Variants in TARBP1 observed in about 807,000 individuals in gnomAD.
The protein encoded by TARBP1 is tRNA guanosine 2 -O-methyltransferase TARBP1.
TARBP1 carries 144 observed loss-of-function variants against 178.6 expected under a neutral mutation model. The ratio of observed to expected loss-of-function variants is 0.81; its 90% CI spans 0.70 to 0.93. The LOEUF (loss-of-function observed/expected upper bound fraction) is 0.93. Ranked by LOEUF, TARBP1 falls within the 40% of genes least tolerant of loss-of-function variation. The pLI is 0.00. For synonymous variants in TARBP1, 787 were observed against 781.0 expected (o/e 1.01, Z -0.13); for missense variants, 2,067 against 2,011.7 (o/e 1.03, Z -0.53).
intron 8 of TARBP1, 79 bp downstream of exon 8, chr1:234,459,151 G>T: frequency 4.0e-6 from 4 of 993,926 alleles, no homozygotes; most frequent in South Asian, 1.6e-5. Flanking sequence ...AGTATCACAG[G>T]TCTGCTATGT....
chr1:234,422,271 T>C (rs1663189889), intron 20 of TARBP1, among the ~76,000 whole-genome samples: 1 of 152,180 alleles, frequency 6.6e-6, no homozygotes, highest in African/African-American at 2.4e-5. Context: ...GTGTGCTCCT[T>C]TACTCAGAAT....
chr1:234,433,397 C>G lies in TARBP1; in HGVS notation c.2394+13G>C, dbSNP rs1052747929. 27 of 1,610,496 alleles carry G rather than the reference C, an allele frequency of 1.7e-5. No homozygotes were observed. Among genetic ancestry groups the G allele is most frequent in the Middle Eastern group, 1.6e-4 (1 of 6,074 alleles). On this transcript the variant is annotated intron_variant, in intron 14 of 29. Transcript: ENST00000040877. Reference sequence around the variant, plus strand: ...TTCAAGATAACTACAAACCTTGAATCAAAGAGGCTTACCTGTCCACTGTCC... The same window carrying G: ...TTCAAGATAACTACAAACCTTGAATGAAAGAGGCTTACCTGTCCACTGTCC...
intron 26 of TARBP1, among the ~76,000 whole-genome samples, chr1:234,395,454 G>A (rs1403763794): frequency 6.6e-6 from 1 of 152,184 alleles, no homozygotes; most frequent in Non-Finnish European, 1.5e-5. Context: ...GCTTTGGGAA[G>A]TGAAATCGCC....
At chr1:234,470,157 C>A (rs1668894906) in intron 3 of TARBP1, among the ~76,000 whole-genome samples, 1 of 151,990 alleles carries the variant, frequency 6.6e-6, no homozygotes, top group Non-Finnish European at 1.5e-5. Flanking sequence ...ATCTCAGCTG[C>A]TTGGGAGGCC....
intron 22 of TARBP1, among the ~76,000 whole-genome samples, chr1:234,411,635 G>C (rs892267339): frequency 2.0e-5 from 3 of 152,140 alleles, no homozygotes; most frequent in Non-Finnish European, 4.4e-5. Context: ...TACTGTAGAG[G>C]CTTTAAAAAG....
chr1:234,401,378 A>G, intron 24 of TARBP1, 116 bp from the exon 25 acceptor site: 2 of 692,702 alleles, frequency 2.9e-6, no homozygotes, highest in Non-Finnish European at 5.0e-6. Flanking sequence ...AGAAAATTTT[A>G]TGAACTTTAT....
intron 9 of TARBP1, among the ~76,000 whole-genome samples, chr1:234,452,673 A>G (rs1666897491): frequency 6.6e-6 from 1 of 152,142 alleles, no homozygotes. Flanking sequence ...AAAACTAAAC[A>G]TAATCTTACC....
intron 9 of TARBP1, among the ~76,000 whole-genome samples, chr1:234,455,141 G>A (rs1051749229): frequency 1.3e-5 from 2 of 152,162 alleles, no homozygotes; most frequent in Admixed American, 6.5e-5. Context: ...AATTGCAGAC[G>A]AGTGAAACGG....
intron 8 of TARBP1, among the ~76,000 whole-genome samples, chr1:234,459,000 C>T (rs749625162): frequency 3.3e-5 from 5 of 152,172 alleles, no homozygotes; most frequent in Non-Finnish European, 7.3e-5. Context: ...TACAATAAGC[C>T]ACTCTTAGCA....
intron 26 of TARBP1, among the ~76,000 whole-genome samples, chr1:234,397,935 G>C (rs1660300203): frequency 7.2e-6 from 1 of 139,010 alleles, no homozygotes; most frequent in Admixed American, 7.4e-5. Flanking sequence ...GAGGAGAAGG[G>C]ATAACATGAA....
intron 1 of TARBP1, among the ~76,000 whole-genome samples, chr1:234,475,220 C>T (rs1669466896): frequency 6.6e-6 from 1 of 152,176 alleles, no homozygotes; most frequent in Non-Finnish European, 1.5e-5. Flanking sequence ...CCCAGCCATG[C>T]CCTGCAGGAG....
rs1430890050 is a variant in TARBP1, at chr1:234,460,393, C to G, written c.1403G>C (p.Ser468Thr). The change falls in exon 7 of 30, where the codon AGC becomes ACC. Residue 468 changes from serine (S) to threonine (T), a missense_variant. Coordinates refer to ENST00000040877, the MANE Select transcript of TARBP1 (RefSeq NM_005646.4). ...CTTCCGAATAAACTTCAATAGGAAG[C>G]TACCTGAAAGAAAAAGTTTTAAATT... ...ISLLPEEIKSSFLLKFIRKMT... is the reference protein window; with the variant it reads ...ISLLPEEIKSTFLLKFIRKMT... 1.2e-6 allele frequency: 2 copies of G among 1,613,490 alleles called. No individual in the cohort carries two copies. Among genetic ancestry groups the G allele is most frequent in the South Asian group, 2.2e-5 (2 of 90,916 alleles).
In TARBP1 at chr1:234,478,914, C is replaced by T; in HGVS notation, c.190G>A (p.Val64Met). ...AGALPEAAREVAAGYLVPLLR... is the reference protein window; with the variant it reads ...AGALPEAAREMAAGYLVPLLR... ...AGTGGCACGAGGTACCCTGCAGCCA[C>T]CTCGCGCGCCGCCTCCGGGAGCGCG... is the stretch of plus-strand genomic sequence containing the variant. The change falls in exon 1 of 30, where the codon GTG (valine) becomes ATG (methionine). Residue 64 changes from valine to methionine, a missense_variant. Val to Met is a conservative substitution (Grantham distance 21). Transcript: ENST00000040877. The T allele has an allele frequency of 4.2e-6, 6 of 1,425,858 alleles. No individual in the cohort carries two copies. In the South Asian group the frequency reaches 5.7e-5, roughly 14 times the overall value. 88.3% of individuals were successfully genotyped at this position (1,425,858 alleles called of 1,614,324 possible).
intron 14 of TARBP1, among the ~76,000 whole-genome samples, chr1:234,430,517 A>C (rs1318895753): frequency 6.6e-6 from 1 of 152,172 alleles, no homozygotes; most frequent in Non-Finnish European, 1.5e-5. Flanking sequence ...AGCAATAAGA[A>C]CTCAGCAATT....
chr1:234,426,006 T>C (rs2103114481), intron 19 of TARBP1, among the ~76,000 whole-genome samples: 1 of 152,336 alleles, frequency 6.6e-6, no homozygotes, highest in Middle Eastern at 3.4e-3. Context: ...ACAGAAAGTA[T>C]GAATGAGCAC....
intron 11 of TARBP1, among the ~76,000 whole-genome samples, chr1:234,447,393 A>ATTTTTTTTTT (rs1558221777): frequency 3.9e-5 from 5 of 127,566 alleles, no homozygotes; most frequent in Admixed American, 1.8e-4. Context: ...CTGTTAACCA[A>ATTTTTTTTTT]CTTTTTTTTT....
chr1:234,465,594 TG>T, intron 5 of TARBP1, 61 bp downstream of exon 5: 1 of 1,414,998 alleles, frequency 7.1e-7, no homozygotes, highest in Non-Finnish European at 9.4e-7. Context: ...TGAAACAATC[TG>T]GTCATGTCTC....
intron 22 of TARBP1, 130 bp from the exon 23 acceptor site, chr1:234,410,661 C>A: frequency 1.7e-6 from 1 of 595,560 alleles, no homozygotes; most frequent in Admixed American, 3.5e-5. Context: ...AGCCCGGGGT[C>A]TGGGTGGGAA....
intron 19 of TARBP1, 33 bp from the exon 20 acceptor site, chr1:234,425,826 C>T (rs1663685977): frequency 6.9e-7 from 1 of 1,457,766 alleles, no homozygotes; most frequent in Non-Finnish European, 9.3e-7. Flanking sequence ...TATGTTAATA[C>T]ATTTTGAAAA....
Sources: gnomAD v4.1 joint callset for allele counts (sites outside exome capture counted in the v4.1 genomes callset) on GRCh38, gnomAD v4.1.1 for gene constraint, MANE v1.5 for transcripts, NCBI Gene and HGNC (gene_info 2026-07-23, HGNC 2026-07-21) for gene names.